Variants in PRKCG observed in about 807,000 individuals in gnomAD.
The protein encoded by PRKCG is protein kinase C gamma type.
PRKCG carries 28 observed loss-of-function variants against 82.0 expected under a neutral mutation model. That is an observed-to-expected ratio of 0.34 (90% CI 0.25 to 0.47). The LOEUF (loss-of-function observed/expected upper bound fraction) is 0.47, where lower values mean the gene tolerates loss of function less well. PRKCG is among the 20% of genes least tolerant of loss of function. PRKCG has a pLI of 1.00. For synonymous variants in PRKCG, 383 were observed against 376.6 expected, an observed-to-expected ratio of 1.02 and a Z score of -0.20; for missense variants, 640 against 952.7, an observed-to-expected ratio of 0.67 and a Z score of 4.32.
intron 6 of PRKCG, 60 bp downstream of exon 6, chr19:53,891,890 G>T (rs1289957992): frequency 2.5e-6 from 4 of 1,606,196 alleles, no homozygotes; most frequent in Non-Finnish European, 2.6e-6. Context: ...GAGGGTCCTA[G>T]TGGCCCCCAG....
Position 53,892,766 on chromosome 19 carries a change from A to G in PRKCG, c.821+123A>G. The G allele has an allele frequency of 2.5e-6, 3 of 1,206,740 alleles. No homozygotes were observed. The highest frequency in any genetic ancestry group is 2.5e-5 in the East Asian group (1 of 39,224). The allele number at this position is 1,206,740 out of a possible 1,614,324, so 74.8% of individuals were successfully genotyped here. A position where few individuals can be genotyped will look rare whatever the true frequency, so the allele number is the denominator to read the frequency against. ...TCCCAGCATGCGCACACACACACACACACACACACACACACGCACACACAC... is the reference window on the plus strand; with the variant it reads ...TCCCAGCATGCGCACACACACACACGCACACACACACACACGCACACACAC... On this transcript the variant is annotated intron_variant, in intron 7 of 17. Coordinates refer to ENST00000263431, the MANE Select transcript of PRKCG (RefSeq NM_002739.5). The surrounding 1 kb of genome is among the most constrained non-coding windows in gnomAD (Gnocchi z 5.9).
At chr19:53,895,544 A>C (rs1279293841) in intron 9 of PRKCG, among the ~76,000 whole-genome samples, 1 of 151,960 alleles carries the variant, frequency 6.6e-6, no homozygotes, top group Non-Finnish European at 1.5e-5. Flanking sequence ...CAACAGCAAC[A>C]ACATGTTATA....
intron 5 of PRKCG, among the ~76,000 whole-genome samples, chr19:53,890,306 G>A (rs1174643655): frequency 6.6e-6 from 1 of 152,094 alleles, no homozygotes; most frequent in African/African-American, 2.4e-5. Flanking sequence ...GCTCAAGCTG[G>A]AGTGCAATGG....
In PRKCG at chr19:53,907,119, G is replaced by C. The variant is rs906053044; in HGVS notation, c.*224G>C. On this transcript the variant is annotated 3_prime_UTR_variant, in exon 18 of 18. Transcript: ENST00000263431. ...CGCGTTCAAGACTTGAGCGGAGCCC[G>C]ATATTCTCCCTGACCTTAGCGTTCT... The C allele has an allele frequency of 4.1e-5, 43 of 1,054,534 alleles. No homozygotes were observed. The highest frequency in any genetic ancestry group is 5.6e-5 in the Non-Finnish European group (42 of 744,090). 65.3% of individuals were successfully genotyped at this position (1,054,534 alleles called of 1,614,324 possible).
chr19:53,902,944 A>T (rs1464199130), intron 14 of PRKCG, 129 bp from the exon 15 acceptor site: 8 of 720,710 alleles, frequency 1.1e-5, no homozygotes, highest in Non-Finnish European at 2.0e-5. Context: ...TGATGAAATA[A>T]ATATTCAGAG....
rs1309700597 is a variant in PRKCG, at chr19:53,884,592, A to G, written c.285+349A>G. On this transcript the variant is annotated intron_variant, in intron 3 of 17. Coordinates refer to ENST00000263431, the MANE Select transcript of PRKCG (RefSeq NM_002739.5). The surrounding 1 kb of genome is among the most constrained non-coding windows in gnomAD (Gnocchi z 4.6). ...TCAGTGCAGGTGCGGAGATGCCAACATAAGACAGAGGGAATCTCAGGGAGA... is the reference window on the plus strand; with the variant it reads ...TCAGTGCAGGTGCGGAGATGCCAACGTAAGACAGAGGGAATCTCAGGGAGA... Among the ~76,000 whole-genome samples, 5 of 152,144 alleles carry G rather than the reference A, an allele frequency of 3.3e-5. No homozygotes were observed. The highest frequency in any genetic ancestry group is 7.4e-5 in the Non-Finnish European group (5 of 68,020).
intron 3 of PRKCG, among the ~76,000 whole-genome samples, chr19:53,886,414 G>T (rs1171104593): frequency 1.3e-5 from 2 of 150,196 alleles, no homozygotes; most frequent in Non-Finnish European, 3.0e-5. Context: ...GATTTTTGGG[G>T]TTTTTTGAGA....
In PRKCG at chr19:53,882,914, A is replaced by G. The variant is rs1252486395; in HGVS notation, c.171-249A>G. Among the ~76,000 whole-genome samples, 1 of 151,146 alleles carries G rather than the reference A, an allele frequency of 6.6e-6. No homozygotes were observed. The highest frequency in any genetic ancestry group is 2.4e-5 in the African/African-American group (1 of 41,056). On this transcript the variant is annotated intron_variant, in intron 1 of 17. Coordinates refer to ENST00000263431, the MANE Select transcript of PRKCG (RefSeq NM_002739.5). This position sits in a 1 kb window ranked among gnomAD's most constrained non-coding sequence, Gnocchi z 6.1. ...CTGGAGTCTTGGGTCTGAGGGAGGAAGGGCCTGGGGGGCTGGGAGCCTGGA... is the reference window on the plus strand; with the variant it reads ...CTGGAGTCTTGGGTCTGAGGGAGGAGGGGCCTGGGGGGCTGGGAGCCTGGA...
intron 15 of PRKCG, among the ~76,000 whole-genome samples, chr19:53,903,913 G>A (rs1196283112): frequency 1.3e-5 from 2 of 152,104 alleles, no homozygotes; most frequent in African/African-American, 4.8e-5. Flanking sequence ...TAAGTAGTAA[G>A]TTCTAATGGT....
At position 53,898,117 on chromosome 19, in the gene PRKCG, A is replaced by G. The variant is rs2068731046; in HGVS notation, c.1092+6A>G. On this transcript the variant is annotated splice_donor_region_variant and intron_variant, in intron 10 of 17. Coordinates refer to ENST00000263431, the MANE Select transcript of PRKCG (RefSeq NM_002739.5). ...GAAAAGGCAGTTTTGGGAAGGTTGGATTCCTGGGGTTCTGGGGGAAAGGGA... is the reference window on the plus strand; with the variant it reads ...GAAAAGGCAGTTTTGGGAAGGTTGGGTTCCTGGGGTTCTGGGGGAAAGGGA... The G allele has an allele frequency of 6.2e-7, 1 of 1,613,852 alleles. No individual in the cohort carries two copies. Among genetic ancestry groups the G allele is most frequent in the South Asian group, 1.1e-5 (1 of 91,066 alleles).
chr19:53,888,075 C>T (rs192951122), intron 3 of PRKCG, among the ~76,000 whole-genome samples: 5 of 152,308 alleles, frequency 3.3e-5, no homozygotes, highest in Non-Finnish European at 4.4e-5. Context: ...AGAATAAGAA[C>T]AGCAGCCTCT....
chr19:53,903,226 A>T (rs1255011493), intron 15 of PRKCG, 73 bp downstream of exon 15: 1 of 1,217,040 alleles, frequency 8.2e-7, no homozygotes, highest in South Asian at 1.2e-5. Flanking sequence ...AGGAGGAGCC[A>T]GTTAGAAAGG....
chr19:53,893,243 TG>T, intron 8 of PRKCG, 118 bp from the exon 9 acceptor site: 2 of 1,332,242 alleles, frequency 1.5e-6, no homozygotes, highest in Non-Finnish European at 2.2e-6. Flanking sequence ...CAGGGTCTGA[TG>T]GGAATTATAG....
chr19:53,906,496 AGG>A (rs1568764531), intron 17 of PRKCG, 39 bp downstream of exon 17: 3 of 1,568,938 alleles, frequency 1.9e-6, no homozygotes, highest in Non-Finnish European at 2.6e-6. Context: ...TGGTCCCTGA[AGG>A]GGTGGGGTTC....
At chr19:53,887,033 G>A (rs1314089978) in intron 3 of PRKCG, among the ~76,000 whole-genome samples, 2 of 152,024 alleles carry the variant, frequency 1.3e-5, no homozygotes, top group Non-Finnish European at 2.9e-5. Flanking sequence ...TAGTGAGAAG[G>A]AGATCTTTCC....
At chr19:53,896,143 CTT>C (rs1172678362) in intron 9 of PRKCG, among the ~76,000 whole-genome samples, 2 of 151,636 alleles carry the variant, frequency 1.3e-5, no homozygotes, top group Non-Finnish European at 2.9e-5. Flanking sequence ...GAGGTAGAGT[CTT>C]TTGAGATCAG....
chr19:53,896,495 C>G (rs927742155), intron 9 of PRKCG, among the ~76,000 whole-genome samples: 4 of 152,054 alleles, frequency 2.6e-5, no homozygotes, highest in South Asian at 2.1e-4. Flanking sequence ...TCTCAGCTCA[C>G]TGCAACCTCT....
intron 3 of PRKCG, among the ~76,000 whole-genome samples, chr19:53,888,826 T>C (rs2068650321): frequency 6.6e-6 from 1 of 152,054 alleles, no homozygotes; most frequent in African/African-American, 2.4e-5. Context: ...AGTCCTCAAA[T>C]AATAACTTGT....
intron 11 of PRKCG, 74 bp downstream of exon 11, chr19:53,898,702 T>C: frequency 1.4e-6 from 2 of 1,421,954 alleles, no homozygotes; most frequent in Non-Finnish European, 9.5e-7. Flanking sequence ...GTTGGGATTC[T>C]GAGTTTAGGG....
Sources: gnomAD v4.1 joint callset for allele counts (sites outside exome capture counted in the v4.1 genomes callset) on GRCh38, gnomAD v4.1.1 for gene constraint, Gnocchi (gnomAD v3.1) non-coding constraint, MANE v1.5 for transcripts, NCBI Gene and HGNC (gene_info 2026-07-23, HGNC 2026-07-21) for gene names.